The following TMEM114 variants were observed in gnomAD, a reference collection of about 807,000 sequenced individuals.
TMEM114 encodes transmembrane protein 114.
Under a neutral mutation model 6.2 loss-of-function variants are expected in TMEM114, and 6 were observed. That is an observed-to-expected ratio of 0.97 (90% CI 0.53 to 1.91). The LOEUF (loss-of-function observed/expected upper bound fraction) is 1.91, where lower values mean the gene tolerates loss of function less well. TMEM114 is among the 40% of genes most tolerant of loss of function. TMEM114 has a pLI of 0.01. For synonymous variants in TMEM114, 104 were observed against 73.0 expected, an observed-to-expected ratio of 1.42 and a Z score of -2.16; for missense variants, 218 against 158.3, an observed-to-expected ratio of 1.38 and a Z score of -2.02.
chr16:8,569,950 G>C lies in TMEM114; in HGVS notation c.495C>G (p.Phe165Leu). The change falls in exon 4 of 4, where the codon TTC (phenylalanine) becomes TTG (leucine). Residue 165 changes from phenylalanine (F) to leucine (L), a missense_variant. Physicochemically the swap from Phe to Leu is conservative, Grantham distance 22. Transcript: ENST00000620492. ...CCTCCAAGAGACACAGCGCCTCCCG[G>C]AAGGCGGCGGCTGAATACGCTATGT... ...SVYIAYSAAA[F>L]REALCLLEEK... is the part of the protein sequence containing the mutation. 2 of 1,551,044 alleles carry C rather than the reference G, an allele frequency of 1.3e-6. No individual in the cohort carries two copies. Among genetic ancestry groups the C allele is most frequent in the African/African-American group, 2.7e-5 (2 of 73,186 alleles).
chr16:8,586,663 C>G (rs982173239), intron 2 of TMEM114, among the ~76,000 whole-genome samples: 1 of 152,052 alleles, frequency 6.6e-6, no homozygotes, highest in Admixed American at 6.6e-5. Context: ...GCAGGTGGCA[C>G]CACACCGGGC....
At chr16:8,547,425 C>T (rs1462975562) in intron 2 of TMEM114, among the ~76,000 whole-genome samples, 1 of 148,890 alleles carries the variant, frequency 6.7e-6, no homozygotes, top group African/African-American at 2.5e-5. Flanking sequence ...CGGAGTCTCG[C>T]TCTGTCACCC....
downstream of TMEM114, among the ~76,000 whole-genome samples, chr16:8,535,146 A>G (rs1015729245): frequency 6.6e-6 from 1 of 152,196 alleles, no homozygotes; most frequent in Non-Finnish European, 1.5e-5. Context: ...TCCCCCATCA[A>G]TAAACAGGGG....
At chr16:8,556,754 C>G (rs959951765) in intron 2 of TMEM114, among the ~76,000 whole-genome samples, 1 of 152,152 alleles carries the variant, frequency 6.6e-6, no homozygotes, top group Non-Finnish European at 1.5e-5. Context: ...CCACCCGCCT[C>G]AGCCTCCCAA....
intron 2 of TMEM114, among the ~76,000 whole-genome samples, chr16:8,582,319 G>A (rs761795015): frequency 2.6e-5 from 4 of 151,944 alleles, no homozygotes; most frequent in Non-Finnish European, 5.9e-5. Context: ...GTGCTCTGAA[G>A]AAGCATTTTC....
intron 2 of TMEM114, among the ~76,000 whole-genome samples, chr16:8,544,167 T>C (rs956498932): frequency 1.3e-5 from 2 of 152,242 alleles, no homozygotes; most frequent in Admixed American, 1.3e-4. Context: ...CAAGCAACTT[T>C]ATATAGGCAA....
chr16:8,562,960 ATGAG>A (rs1326450984), intron 2 of TMEM114, among the ~76,000 whole-genome samples: 2 of 66,600 alleles, frequency 3.0e-5, no homozygotes, highest in African/African-American at 1.0e-4. Context: ...GAGTGAGTGA[ATGAG>A]TGAGAGAGTG....
chr16:8,545,229 C>A (rs991792912), intron 2 of TMEM114, among the ~76,000 whole-genome samples: 1 of 152,060 alleles, frequency 6.6e-6, no homozygotes, highest in African/African-American at 2.4e-5. Context: ...CTTGCATCCA[C>A]GAGTCCAAGA....
At chr16:8,556,587 C>A (rs901463259) in intron 2 of TMEM114, among the ~76,000 whole-genome samples, 7 of 152,022 alleles carry the variant, frequency 4.6e-5, no homozygotes, top group African/African-American at 1.7e-4. Context: ...CTGCAACCTC[C>A]GCCTCCCGAG....
chr16:8,547,228 TG>T (rs1219900237), intron 2 of TMEM114, among the ~76,000 whole-genome samples: 1 of 152,054 alleles, frequency 6.6e-6, no homozygotes, highest in Non-Finnish European at 1.5e-5. Context: ...AGCAGCTGTG[TG>T]GAGGATGAGG....
chr16:8,569,978 A>C lies in TMEM114; in HGVS notation c.467T>G (p.Val156Gly), dbSNP rs748167178. Residue 156 changes from valine (V) to glycine (G), a missense_variant, in exon 4 of 4, where the codon GTC becomes GGC. Val to Gly is a moderately radical substitution (Grantham distance 109). Coordinates refer to ENST00000620492, the MANE Select transcript of TMEM114 (RefSeq NM_001146336.2). ...GGCGGCGGCTGAATACGCTATGTAG[A>C]CGCTGATCCCAGCGAGGGTCACCAT... ...GAMVTLAGIS[V>G]YIAYSAAAFR... is the part of the protein sequence containing the mutation. 1 of 1,550,518 alleles carries C rather than the reference A, an allele frequency of 6.4e-7. No individual in the cohort carries two copies. The highest frequency in any genetic ancestry group is 1.4e-5 in the African/African-American group (1 of 73,026).
At chr16:8,580,518 A>G (rs1018296376) in intron 2 of TMEM114, among the ~76,000 whole-genome samples, 1 of 151,734 alleles carries the variant, frequency 6.6e-6, no homozygotes, top group Admixed American at 6.6e-5. Context: ...AAAGAAAAAA[A>G]AAGGAAACAA....
the TMEM114 span, among the ~76,000 whole-genome samples, chr16:8,531,482 G>C: frequency 0.13 from 20,014 of 152,198 alleles, 1,401 homozygotes; most frequent in African/African-American, 0.18. Context: ...CACAAGGGAA[G>C]CCATGTTGGT....
chr16:8,540,408 T>G (rs1300327057), intron 2 of TMEM114, among the ~76,000 whole-genome samples: 1 of 151,978 alleles, frequency 6.6e-6, no homozygotes, highest in Non-Finnish European at 1.5e-5. Flanking sequence ...GAAATAAGAG[T>G]GATGATGATT....
intron 2 of TMEM114, among the ~76,000 whole-genome samples, chr16:8,563,699 T>TAGTAAATGAGTGAGTG: frequency 7.3e-6 from 1 of 136,956 alleles, no homozygotes; most frequent in South Asian, 2.3e-4. Flanking sequence ...ATGAGTGAGT[T>TAGTAAATGAGTGAGTG]AGTGAATGAG....
At chr16:8,583,400 T>C (rs575677580) in intron 2 of TMEM114, among the ~76,000 whole-genome samples, 2 of 152,216 alleles carry the variant, frequency 1.3e-5, no homozygotes, top group South Asian at 4.1e-4. Context: ...GTTTATGTGA[T>C]CTCATTTCAT....
chr16:8,550,736 C>T (rs866858713), intron 2 of TMEM114, among the ~76,000 whole-genome samples: 2 of 151,780 alleles, frequency 1.3e-5, no homozygotes. Context: ...AAACACTGGT[C>T]CCTCCTAACA....
chr16:8,575,669 G>C (rs1420043229), intron 2 of TMEM114, among the ~76,000 whole-genome samples: 2 of 152,186 alleles, frequency 1.3e-5, no homozygotes, highest in Admixed American at 1.3e-4. Context: ...TTTCTCATCA[G>C]CTAAATGGGA....
intron 2 of TMEM114, among the ~76,000 whole-genome samples, chr16:8,556,698 T>G (rs1250997968): frequency 2.0e-5 from 3 of 152,190 alleles, no homozygotes; most frequent in Non-Finnish European, 2.9e-5. Context: ...AGATGGGGTT[T>G]CACCATGTTG....
Sources: gnomAD v4.1 joint callset for allele counts (sites outside exome capture counted in the v4.1 genomes callset) on GRCh38, gnomAD v4.1.1 for gene constraint, MANE v1.5 for transcripts, NCBI Gene and HGNC (gene_info 2026-07-23, HGNC 2026-07-21) for gene names.